WDR72: variants seen among roughly 807,000 people sequenced by gnomAD.
WDR72 encodes the protein WD repeat-containing protein 72.
Under a neutral mutation model 124.2 loss-of-function variants are expected in WDR72, and 120 were observed. That is an observed-to-expected ratio of 0.97 (90% CI 0.83 to 1.12). The LOEUF (loss-of-function observed/expected upper bound fraction) is 1.12, where lower values mean the gene tolerates loss of function less well. WDR72 is among the 50% of genes most tolerant of loss of function. The pLI, the probability that WDR72 is intolerant of heterozygous loss-of-function variation, is 0.00. For missense variants in WDR72, 1,387 were observed against 1,278.8 expected (o/e 1.08, Z -1.29); for synonymous variants, 452 against 441.7 (o/e 1.02, Z -0.29).
chr15:53,710,935 T>TAC lies in WDR72; in HGVS notation c.875_876insGT (p.Ile292MetfsTer39). 1 of 1,613,732 alleles carries TAC rather than the reference T, an allele frequency of 6.2e-7. No homozygotes were observed. The highest frequency in any genetic ancestry group is 1.1e-5 in the South Asian group (1 of 91,078). On this transcript the variant is annotated frameshift_variant, in exon 9 of 20. Coordinates refer to ENST00000360509, the MANE Select transcript of WDR72 (RefSeq NM_182758.4). LOFTEE classifies it high-confidence loss of function. ...TAAGCACTCTTCCATCAGCAGGGTA[T>TAC]ATGCTTTTTGAAAGCCCACTGCGTG...
chr15:53,726,421 A>G (rs1314943138), intron 2 of WDR72, among the ~76,000 whole-genome samples: 2 of 151,676 alleles, frequency 1.3e-5, no homozygotes, highest in African/African-American at 2.4e-5. Context: ...CTTTAAACCT[A>G]AAACTGCTTT....
At chr15:53,609,783 A>T (rs988171008) in intron 16 of WDR72, among the ~76,000 whole-genome samples, 191 bp from the exon 17 acceptor site, 1 of 151,996 alleles carries the variant, frequency 6.6e-6, no homozygotes, top group Non-Finnish European at 1.5e-5. Flanking sequence ...AATGCTTTGT[A>T]AAAGTGCCAC....
At chr15:53,663,037 G>A (rs1410492423) in intron 14 of WDR72, among the ~76,000 whole-genome samples, 1 of 151,318 alleles carries the variant, frequency 6.6e-6, no homozygotes, top group Admixed American at 6.6e-5. Flanking sequence ...CCACTGCACT[G>A]TGATTGTGCT....
intron 1 of WDR72, among the ~76,000 whole-genome samples, chr15:53,749,281 A>G (rs1422427539): frequency 5.3e-5 from 8 of 152,130 alleles, no homozygotes; most frequent in Non-Finnish European, 8.8e-5. Flanking sequence ...ACATTTTGGT[A>G]ATTCTCATAA....
chr15:53,642,649 G>A (rs2140414291), intron 14 of WDR72, among the ~76,000 whole-genome samples: 1 of 152,128 alleles, frequency 6.6e-6, no homozygotes, highest in East Asian at 1.9e-4. Flanking sequence ...AACTGATACT[G>A]CTATACAGTA....
chr15:53,743,136 C>T (rs2018552767), intron 1 of WDR72, among the ~76,000 whole-genome samples: 2 of 151,648 alleles, frequency 1.3e-5, no homozygotes, highest in African/African-American at 4.8e-5. Context: ...TTATGTATAT[C>T]CTACCATTTT....
At chr15:53,617,453 A>G (rs2013813727) in intron 14 of WDR72, among the ~76,000 whole-genome samples, 1 of 151,726 alleles carries the variant, frequency 6.6e-6, no homozygotes, top group South Asian at 2.1e-4. Context: ...CAGTGATGAT[A>G]TATTTAATTT....
Position 53,705,949 on chromosome 15 carries a change from G to C in WDR72, c.1080C>G (p.Ser360=). ...TACCTCTAGGAGAACCATCAAACTT[G>C]GATACAGGAACATCAGGGATGTGCC... ...TLWHIPDVPV[S]KFDGSPREIP... The change falls in exon 10 of 20, where the codon TCC becomes TCG. Residue 360 remains serine, a synonymous_variant. Transcript: ENST00000360509. The C allele has an allele frequency of 6.2e-7, 1 of 1,614,050 alleles. No homozygotes were observed. The highest frequency in any genetic ancestry group is 8.5e-7 in the Non-Finnish European group (1 of 1,180,010).
At chr15:53,579,177 C>A (rs1455619453) in intron 18 of WDR72, among the ~76,000 whole-genome samples, 1 of 151,914 alleles carries the variant, frequency 6.6e-6, no homozygotes, top group Non-Finnish European at 1.5e-5. Context: ...TTTAGGTGAG[C>A]CTAACAAGAA....
chr15:53,604,505 T>A (rs1329997326), intron 17 of WDR72, among the ~76,000 whole-genome samples: 7 of 152,176 alleles, frequency 4.6e-5, no homozygotes, highest in Non-Finnish European at 8.8e-5. Flanking sequence ...CTAAAGAGCT[T>A]CTGCACAGCG....
At chr15:53,706,671 G>A (rs1321160535) in intron 9 of WDR72, among the ~76,000 whole-genome samples, 1 of 151,504 alleles carries the variant, frequency 6.6e-6, no homozygotes, top group Non-Finnish European at 1.5e-5. Flanking sequence ...AGTTAAAACA[G>A]CAACAAGTAA....
intron 18 of WDR72, among the ~76,000 whole-genome samples, chr15:53,583,110 A>G (rs559077763): frequency 6.6e-6 from 1 of 152,096 alleles, no homozygotes; most frequent in East Asian, 1.9e-4. Context: ...GGCAAATAGG[A>G]TGGGGCATAT....
chr15:53,686,530 A>ATATATATTT (rs2016631774), intron 13 of WDR72, among the ~76,000 whole-genome samples: 1 of 151,944 alleles, frequency 6.6e-6, no homozygotes, highest in Non-Finnish European at 1.5e-5. Context: ...ATATATATGC[A>ATATATATTT]CTCAACACAA....
chr15:53,653,460 A>T (rs2015310685), intron 14 of WDR72, among the ~76,000 whole-genome samples: 1 of 152,182 alleles, frequency 6.6e-6, no homozygotes, highest in Non-Finnish European at 1.5e-5. Context: ...GAAGGTATAG[A>T]ATTGAGGTGA....
At chr15:53,657,062 A>G (rs1342581240) in intron 14 of WDR72, among the ~76,000 whole-genome samples, 1 of 152,026 alleles carries the variant, frequency 6.6e-6, no homozygotes, top group Non-Finnish European at 1.5e-5. Flanking sequence ...CAGGAGATCG[A>G]GACCATCCTG....
intron 14 of WDR72, among the ~76,000 whole-genome samples, chr15:53,632,288 C>T (rs556200047): frequency 1.1e-4 from 17 of 152,176 alleles, no homozygotes; most frequent in African/African-American, 2.9e-4. Flanking sequence ...TGCTTCAGAG[C>T]GTGCAAGTGG....
At chr15:53,601,181 C>T (rs1044544915) in intron 17 of WDR72, among the ~76,000 whole-genome samples, 2 of 152,054 alleles carry the variant, frequency 1.3e-5, no homozygotes, top group African/African-American at 4.8e-5. Flanking sequence ...CCCTGCATGC[C>T]AGAAGAGATT....
At chr15:53,717,811 T>C (rs2017755754) in intron 3 of WDR72, among the ~76,000 whole-genome samples, 1 of 152,138 alleles carries the variant, frequency 6.6e-6, no homozygotes, top group African/African-American at 2.4e-5. Context: ...AAAATATTCA[T>C]AGCATTTTCC....
At chr15:53,718,119 A>T (rs1438413221) in intron 3 of WDR72, among the ~76,000 whole-genome samples, 1 of 152,180 alleles carries the variant, frequency 6.6e-6, no homozygotes, top group African/African-American at 2.4e-5. Flanking sequence ...TTTTGACTCT[A>T]GCTATGCATC....
Sources: allele counts gnomAD v4.1 joint callset (sites outside exome capture counted in the v4.1 genomes callset), GRCh38; gene constraint gnomAD v4.1.1; transcripts MANE v1.5; gene names NCBI Gene and HGNC (gene_info 2026-07-23, HGNC 2026-07-21).